The following ADGRG1 variants were observed in gnomAD, a reference collection of about 807,000 sequenced individuals.
ADGRG1 encodes 7-transmembrane protein with no EGF-like N-terminal domains-1.
A neutral mutation model predicts 73.5 loss-of-function variants in ADGRG1; 53 were observed. The observed-to-expected ratio is 0.72, with a 90% CI of 0.58 to 0.91. The LOEUF is 0.91. Ranked by LOEUF, ADGRG1 falls within the 40% of genes least tolerant of loss-of-function variation. The pLI is 0.00. For missense variants in ADGRG1, 795 were observed against 871.8 expected (o/e 0.91, Z 1.11); for synonymous variants, 394 against 374.4 (o/e 1.05, Z -0.60).
chr16:57,619,817 G>A (rs1313920526), upstream of ADGRG1: 1 of 152,372 alleles, frequency 6.6e-6, no homozygotes, highest in Non-Finnish European at 1.5e-5. Context: ...AGAACCCAAG[G>A]ACTCCCCTGG....
At chr16:57,634,888 G>A (rs1823218561) in intron 1 of ADGRG1, 1 of 848,502 alleles carries the variant, frequency 1.2e-6, no homozygotes, top group Middle Eastern at 6.0e-4. Context: ...GGCAGGTGGT[G>A]CCTCTATCTA....
At chr16:57,634,508 T>A (rs1216699352) in intron 1 of ADGRG1, 1 of 974,044 alleles carries the variant, frequency 1.0e-6, no homozygotes, top group East Asian at 1.1e-4. Flanking sequence ...TGAGTGCTGC[T>A]GGCCCTCTAA....
chr16:57,654,706 C>G (rs1290067617), intron 5 of ADGRG1, among the ~76,000 whole-genome samples: 2 of 151,980 alleles, frequency 1.3e-5, no homozygotes, highest in African/African-American at 2.4e-5. Context: ...ATGGTGAAAC[C>G]CTGTCTCTAC....
intron 1 of ADGRG1, chr16:57,643,826 G>A: frequency 2.0e-6 from 2 of 981,020 alleles, no homozygotes; most frequent in Non-Finnish European, 2.4e-6. Flanking sequence ...AGGGGAGTGG[G>A]AATAGGGGAG....
At chr16:57,662,042 G>T in intron 13 of ADGRG1, 77 bp downstream of exon 13, 1 of 1,191,068 alleles carries the variant, frequency 8.4e-7, no homozygotes, top group Non-Finnish European at 1.3e-6. Flanking sequence ...ATCACCCAGG[G>T]AACCTGAAGA....
intron 1 of ADGRG1, chr16:57,644,230 A>G: frequency 1.0e-6 from 1 of 977,058 alleles, no homozygotes; most frequent in Non-Finnish European, 1.2e-6. Flanking sequence ...GCACTCATGC[A>G]CACACACTCA....
At chr16:57,650,430 C>T in intron 2 of ADGRG1, 79 bp downstream of exon 2, 1 of 1,610,432 alleles carries the variant, frequency 6.2e-7, no homozygotes, top group Non-Finnish European at 8.5e-7. Context: ...TGCCAGCACA[C>T]ATGCTAACTC....
rs78801223 is a variant in ADGRG1, at chr16:57,629,857, C to T, written c.-36+1055C>T. 7.3e-3 allele frequency: 1,543 copies of T among 212,738 alleles called. 27 individuals are homozygous for T. The highest frequency in any genetic ancestry group is 0.034 in the African/African-American group (1,434 of 42,648). 13.2% of individuals were successfully genotyped at this position (212,738 alleles called of 1,614,324 possible). On this transcript the variant is annotated intron_variant, in intron 1 of 13. Coordinates refer to ENST00000562631, the MANE Select transcript of ADGRG1 (RefSeq NM_201525.4). ...CTGTCCTCCCCCGTCCCCAACCCAC[C>T]TCCCCTGCGTGGTAGAGTTGGGGTC...
At chr16:57,628,523 A>G (rs530427944), upstream of ADGRG1, 2 of 985,514 alleles carry the variant, frequency 2.0e-6, no homozygotes, top group South Asian at 9.4e-5. Context: ...TCCATGACTC[A>G]CATATATCGT....
At chr16:57,630,367 C>T (rs1330061266) in intron 1 of ADGRG1, 3 of 985,288 alleles carry the variant, frequency 3.0e-6, no homozygotes, top group Middle Eastern at 5.2e-4. Flanking sequence ...CCAGACCTGA[C>T]CCCTTCTTTG....
intron 2 of ADGRG1, 82 bp from the exon 3 acceptor site, chr16:57,651,118 T>C: frequency 6.2e-7 from 1 of 1,606,020 alleles, no homozygotes; most frequent in Non-Finnish European, 8.5e-7. Flanking sequence ...GGTTCACATG[T>C]ACTCAGCCTA....
At chr16:57,651,035 C>G (rs2043953228) in intron 2 of ADGRG1, 165 bp from the exon 3 acceptor site, 2 of 1,535,902 alleles carry the variant, frequency 1.3e-6, no homozygotes, top group South Asian at 2.3e-5. Flanking sequence ...TAGTTTGATG[C>G]TGATAAGTTT....
intron 13 of ADGRG1, 96 bp from the exon 14 acceptor site, chr16:57,663,356 G>C: frequency 6.4e-7 from 1 of 1,568,350 alleles, no homozygotes; most frequent in Non-Finnish European, 8.6e-7. Context: ...ACTATGGAGA[G>C]GTGGGGCAGA....
intron 1 of ADGRG1, chr16:57,631,129 T>C: frequency 1.0e-6 from 1 of 985,456 alleles, no homozygotes; most frequent in Non-Finnish European, 1.2e-6. Context: ...GGCTCAAGCT[T>C]GGGAGCAGCT....
chr16:57,635,140 T>G, intron 1 of ADGRG1: 2 of 985,234 alleles, frequency 2.0e-6, no homozygotes, highest in Non-Finnish European at 2.4e-6. Context: ...TTGCTCTCCC[T>G]TATCCAACAG....
Position 57,656,501 on chromosome 16 carries a change from G to A in ADGRG1, c.1064-13G>A. 6.2e-7 allele frequency: 1 copy of A among 1,605,394 alleles called. No homozygotes were observed. The highest frequency in any genetic ancestry group is 1.1e-5 in the South Asian group (1 of 90,890). On this transcript the variant is annotated splice_polypyrimidine_tract_variant and intron_variant, in intron 8 of 13. Transcript: ENST00000562631. ...CTGGACTTGATTGGAGCCCCGTGCT[G>A]TCCCCTCCTCAGTGAGCAGCCCGGG... is the stretch of plus-strand genomic sequence containing the variant.
At chr16:57,661,354 T>C (rs1260706198) in intron 12 of ADGRG1, 1 of 985,052 alleles carries the variant, frequency 1.0e-6, no homozygotes, top group African/African-American at 1.7e-5. Context: ...TGCCTGTGGA[T>C]CCCCTGAACC....
upstream of ADGRG1, chr16:57,624,283 T>C: frequency 2.6e-6 from 1 of 382,420 alleles, no homozygotes; most frequent in Non-Finnish European, 3.6e-6. Flanking sequence ...GAGGATCGCT[T>C]GAGCTCAGGA....
At chr16:57,639,248 C>T (rs1448703989) in intron 1 of ADGRG1, 3 of 985,284 alleles carry the variant, frequency 3.0e-6, no homozygotes, top group Non-Finnish European at 3.6e-6. Context: ...CCCCTGCCCT[C>T]CCTCCTGCCA....
Sources: gnomAD v4.1 joint callset for allele counts (sites outside exome capture counted in the v4.1 genomes callset) on GRCh38, gnomAD v4.1.1 for gene constraint, MANE v1.5 for transcripts, NCBI Gene and HGNC (gene_info 2026-07-23, HGNC 2026-07-21) for gene names.